NFE2L1: variants seen among roughly 807,000 people sequenced by gnomAD.
NFE2L1 encodes the protein NFE2 like bZIP transcription factor 1, also known as endoplasmic reticulum membrane sensor NFE2L1.
NFE2L1 carries 18 observed loss-of-function variants against 61.6 expected under a neutral mutation model. The observed-to-expected ratio is 0.29, with a 90% CI of 0.20 to 0.43. The LOEUF (loss-of-function observed/expected upper bound fraction) is 0.43. Ranked by LOEUF, NFE2L1 falls within the 20% of genes least tolerant of loss-of-function variation. NFE2L1 has a pLI of 1.00. For synonymous variants in NFE2L1, 419 were observed against 402.7 expected (o/e 1.04, Z -0.48); for missense variants, 827 against 973.5 (o/e 0.85, Z 2.00).
At chr17:48,052,971 C>G (rs1358828460) in intron 2 of NFE2L1, among the ~76,000 whole-genome samples, 2 of 152,176 alleles carry the variant, frequency 1.3e-5, no homozygotes, top group African/African-American at 4.8e-5. Context: ...CATTTCTTAC[C>G]TTTCAGGGCC....
Position 48,059,700 on chromosome 17 carries a change from C to G in NFE2L1, c.*59C>G, listed in dbSNP as rs2037501189. The G allele has an allele frequency of 8.2e-6, 12 of 1,468,516 alleles. No individual in the cohort carries two copies. The South Asian group carries it at 1.5e-4, about 18-fold the overall frequency. 91.0% of individuals were successfully genotyped at this position (1,468,516 alleles called of 1,614,324 possible). A position where few individuals can be genotyped will look rare whatever the true frequency, so the allele number is the denominator to read the frequency against. ...GACCGAAACTGGAGAAGGGCTGGAC[C>G]TGGACCTGGACCTGGACCTACAGCG... On this transcript the variant is annotated 3_prime_UTR_variant, in exon 6 of 6. Coordinates refer to ENST00000362042, the MANE Select transcript of NFE2L1 (RefSeq NM_003204.3). The surrounding 1 kb of genome is among the most constrained non-coding windows in gnomAD (Gnocchi z 6.1).
intron 2 of NFE2L1, among the ~76,000 whole-genome samples, chr17:48,052,743 G>T (rs1172020993): frequency 6.6e-6 from 1 of 152,136 alleles, no homozygotes; most frequent in Non-Finnish European, 1.5e-5. Context: ...AGTTTTGGTT[G>T]TCACATCTTG....
intron 1 of NFE2L1, chr17:48,048,829 G>A (rs561512251): frequency 6.5e-6 from 1 of 152,876 alleles, no homozygotes; most frequent in East Asian, 1.9e-4. Context: ...CCGGCGCCGA[G>A]AGTGGGCATG....
Position 48,056,437 on chromosome 17 carries a change from G to A in NFE2L1, c.562G>A (p.Gly188Arg). Residue 188 changes from glycine to arginine, a missense_variant, in exon 3 of 6, where the codon GGG (glycine) becomes AGG (arginine). This residue lies in a region of NFE2L1 where 667 missense variants were observed against 748.4 expected (regional missense o/e 0.89). Transcript: ENST00000362042. ...GCGACAGGATATTGATCTGGGGGCTGGGCGTGAGGTTTTTGACTATAGTCA... is the reference window on the plus strand; with the variant it reads ...GCGACAGGATATTGATCTGGGGGCTAGGCGTGAGGTTTTTGACTATAGTCA... The part of the protein sequence containing the change: ...LWRQDIDLGA[G>R]REVFDYSHRQ... 6.2e-7 allele frequency: 1 copy of A among 1,614,210 alleles called. No individual in the cohort carries two copies. Among genetic ancestry groups the A allele is most frequent in the Non-Finnish European group, 8.5e-7 (1 of 1,180,030 alleles).
chr17:48,049,208 G>C (rs578250055), intron 1 of NFE2L1: 23 of 152,320 alleles, frequency 1.5e-4, no homozygotes, highest in African/African-American at 5.5e-4. Context: ...GTGGAGACCA[G>C]AAACAGATTT....
At chr17:48,053,236 G>GC (rs1406239561) in intron 2 of NFE2L1, among the ~76,000 whole-genome samples, 11 of 152,288 alleles carry the variant, frequency 7.2e-5, no homozygotes, top group Admixed American at 3.9e-4. Context: ...GTGGGTTGGG[G>GC]CCGAATGGGA....
In NFE2L1 at chr17:48,060,975, T is replaced by A. The variant is rs546492114; in HGVS notation, c.*1334T>A. On this transcript the variant is annotated 3_prime_UTR_variant, in exon 6 of 6. Coordinates refer to ENST00000362042, the MANE Select transcript of NFE2L1 (RefSeq NM_003204.3). ...GTGTGAACACTTGGGATTTTTCTCC[T>A]CTGTCCCGAGGTCGTCGTCTGCTTT... 2 of 152,810 alleles carry A rather than the reference T, an allele frequency of 1.3e-5. No individual in the cohort carries two copies. Among genetic ancestry groups the A allele is most frequent in the South Asian group, 4.1e-4 (2 of 4,826 alleles). 9.5% of individuals were successfully genotyped at this position (152,810 alleles called of 1,614,324 possible).
chr17:48,049,558 A>G (rs1007079540), intron 1 of NFE2L1, among the ~76,000 whole-genome samples: 1 of 151,976 alleles, frequency 6.6e-6, no homozygotes, highest in Non-Finnish European at 1.5e-5. Flanking sequence ...ACGCCCGGCT[A>G]ATTTTTGTAT....
Position 48,050,864 on chromosome 17 carries a change from G to A in NFE2L1, c.-255G>A. On this transcript the variant is annotated 5_prime_UTR_variant, in exon 2 of 6. Transcript: ENST00000362042. The stretch of plus-strand genomic sequence containing the variant: ...GAGGACCTGGACTGGGTTAGGAACA[G>A]TTGTACTTTCAGAGGTGAGGTGTCG... 1 of 604,888 alleles carries A rather than the reference G, an allele frequency of 1.7e-6. No individual in the cohort carries two copies. Among genetic ancestry groups the A allele is most frequent in the South Asian group, 2.0e-5 (1 of 49,706 alleles). 37.5% of individuals were successfully genotyped at this position (604,888 alleles called of 1,614,324 possible).
chr17:48,050,582 G>A (rs926892190), intron 1 of NFE2L1, 25 bp from the exon 2 acceptor site: 1 of 409,616 alleles, frequency 2.4e-6, no homozygotes. Flanking sequence ...ATCTTATCCT[G>A]TTGCTTTTGT....
chr17:48,054,577 C>T, intron 2 of NFE2L1: 1 of 1,208,734 alleles, frequency 8.3e-7, no homozygotes, highest in Non-Finnish European at 1.0e-6. Flanking sequence ...TGGCTCTCTG[C>T]AGCCTCAGCA....
intron 2 of NFE2L1, chr17:48,054,659 G>T (rs1423150536): frequency 2.3e-5 from 29 of 1,257,070 alleles, no homozygotes; most frequent in East Asian, 3.2e-5. Flanking sequence ...TGGGGGGCGT[G>T]GGGGGGAGGA....
chr17:48,054,351 A>C (rs1381841894), intron 2 of NFE2L1: 5 of 165,920 alleles, frequency 3.0e-5, no homozygotes, highest in Non-Finnish European at 3.9e-5. Context: ...CGGCCCAGGG[A>C]TGGGCTGGTT....
At chr17:48,056,700 G>T in intron 3 of NFE2L1, 102 bp downstream of exon 3, 1 of 1,375,972 alleles carries the variant, frequency 7.3e-7, no homozygotes, top group Non-Finnish European at 9.9e-7. Context: ...AAGACAGGTG[G>T]TGTGTGGGGT....
rs1396273032 is a variant in NFE2L1, at chr17:48,059,366, C to T, written c.2044C>T (p.Leu682=). ...RKRKLDTILN[L]ERDVEDLQRD... Reference sequence around the variant, plus strand: ...GCGCAAGCTGGACACCATCCTGAATCTGGAGCGTGATGTGGAGGACCTGCA... The same window carrying T: ...GCGCAAGCTGGACACCATCCTGAATTTGGAGCGTGATGTGGAGGACCTGCA... Residue 682 remains leucine, a synonymous_variant, in exon 6 of 6, where the codon CTG becomes TTG. Coordinates refer to ENST00000362042, the MANE Select transcript of NFE2L1 (RefSeq NM_003204.3). The surrounding 1 kb of genome is among the most constrained non-coding windows in gnomAD (Gnocchi z 6.1). The T allele has an allele frequency of 6.2e-7, 1 of 1,614,254 alleles. No individual in the cohort carries two copies.
In NFE2L1 at chr17:48,053,097, G is replaced by A. The variant is rs146016592; in HGVS notation, c.510+1469G>A. On this transcript the variant is annotated intron_variant, in intron 2 of 5. Coordinates refer to ENST00000362042, the MANE Select transcript of NFE2L1 (RefSeq NM_003204.3). Reference sequence around the variant, plus strand: ...TTCTGAAGTGTGCTTCCCAGTCTCTGCTCTATGCTCCTCCCCCAGGGTAGC... The same window carrying A: ...TTCTGAAGTGTGCTTCCCAGTCTCTACTCTATGCTCCTCCCCCAGGGTAGC... 9.1e-4 allele frequency among the ~76,000 whole-genome samples: 138 copies of A among 152,242 alleles called. 2 individuals carry two copies. Among genetic ancestry groups the A allele is most frequent in the African/African-American group, 3.2e-3 (134 of 41,510 alleles).
intron 2 of NFE2L1, chr17:48,054,440 A>C: frequency 7.7e-5 from 23 of 297,984 alleles, no homozygotes; most frequent in South Asian, 1.5e-4. Flanking sequence ...GTGGGAGGGG[A>C]TTGGCTCCTT....
intron 4 of NFE2L1, 106 bp downstream of exon 4, chr17:48,057,227 C>A: frequency 3.8e-6 from 6 of 1,586,558 alleles, no homozygotes; most frequent in Non-Finnish European, 5.2e-6. Context: ...CTTATTCTGG[C>A]TGCTGGGGGT....
Position 48,060,617 on chromosome 17 carries a change from CT to C in NFE2L1, c.*978del. The C allele has an allele frequency of 1.3e-5, 2 of 152,934 alleles. No homozygotes were observed. Among genetic ancestry groups the C allele is most frequent in the Non-Finnish European group, 2.9e-5 (2 of 68,202 alleles). The allele number at this position is 152,934 out of a possible 1,614,324, so 9.5% of individuals were successfully genotyped here. A position where few individuals can be genotyped will look rare whatever the true frequency, so the allele number is the denominator to read the frequency against. Reference sequence around the variant, plus strand: ...GTGCTCCGGGAACTGGGCCTGCAGCCTTCCTCTTCTGGGACTGCTGTGAGGC... The same window carrying C: ...GTGCTCCGGGAACTGGGCCTGCAGCCTCCTCTTCTGGGACTGCTGTGAGGC... On this transcript the variant is annotated 3_prime_UTR_variant, in exon 6 of 6. Coordinates refer to ENST00000362042, the MANE Select transcript of NFE2L1 (RefSeq NM_003204.3).
Sources: allele counts gnomAD v4.1 joint callset (sites outside exome capture counted in the v4.1 genomes callset), GRCh38; gene constraint gnomAD v4.1.1; regional missense constraint gnomAD v4.1.1; non-coding constraint Gnocchi (gnomAD v3.1); transcripts MANE v1.5; gene names NCBI Gene and HGNC (gene_info 2026-07-23, HGNC 2026-07-21).